The following AGAP6 variants were observed in gnomAD, a reference collection of about 807,000 sequenced individuals.
AGAP6 encodes the protein arf-GAP with GTPase, ANK repeat and PH domain-containing protein 6.
AGAP6 carries 29 observed loss-of-function variants against 63.9 expected under a neutral mutation model. The ratio of observed to expected loss-of-function variants is 0.45; its 90% confidence interval spans 0.34 to 0.62. The LOEUF (loss-of-function observed/expected upper bound fraction) is 0.62. AGAP6 is among the 20% of genes least tolerant of loss of function. The pLI is 0.01. For synonymous variants in AGAP6, 199 were observed against 332.9 expected (o/e 0.60, Z 4.38); for missense variants, 493 against 884.9 (o/e 0.56, Z 5.62).
rs1380896257 is a variant in AGAP6, at chr10:50,003,962, C to A, written c.498-723C>A. ...AATATTACAGGCTTTTTAAAAAGTG[C>A]TAATATTGTGTAGACCTATTAGTAG... On this transcript the variant is annotated intron_variant, in intron 5 of 7. Coordinates refer to ENST00000412531, the MANE Select transcript of AGAP6 (RefSeq NM_001077665.3). 8.5e-5 allele frequency among the ~76,000 whole-genome samples: 13 copies of A among 152,266 alleles called. 1 individual carries two copies. The highest frequency in any genetic ancestry group is 3.9e-4 in the Admixed American group (6 of 15,296).
Position 49,988,733 on chromosome 10 carries a change from C to T in AGAP6, c.18C>T (p.Thr6=), listed in dbSNP as rs1589078890. Residue 6 remains threonine, a synonymous_variant, in exon 1 of 8, where the codon ACC becomes ACT. Transcript: ENST00000412531. ...GGCGCCCCATGGGGAACATACTGAC[C>T]TGTCGTGTGCACCCTAGCGTCAGCC... MGNIL[T]CRVHPSVSLE... 3 of 1,591,074 alleles carry T rather than the reference C, an allele frequency of 1.9e-6. No homozygotes were observed. Among genetic ancestry groups the T allele is most frequent in the South Asian group, 2.2e-5 (2 of 90,426 alleles).
rs1841733422 is a variant in AGAP6 at position 50,002,047 on chromosome 10, C to G, written c.448C>G (p.Leu150Val). The G allele has an allele frequency of 6.2e-7, 1 of 1,612,304 alleles. No homozygotes were observed. The highest frequency in any genetic ancestry group is 2.2e-5 in the East Asian group (1 of 44,862). The change falls in exon 5 of 8, where the codon CTT (leucine) becomes GTT (valine). Residue 150 changes from leucine (L) to valine (V), a missense_variant. Around this residue, in one of 7 missense-constraint regions of AGAP6, gnomAD observed 342 missense variants for 533.4 expected, o/e 0.64. Coordinates refer to ENST00000412531, the MANE Select transcript of AGAP6 (RefSeq NM_001077665.3). ...QQYSLCSTIF[L>V]DDSTAIQHYL... ...ATACAGCTTGTGTTCGACAATATTC[C>G]TTGATGACAGCACAGCCATCCAGCA...
chr10:49,989,251 T>A (rs1159385177), intron 1 of AGAP6, 57 bp from the exon 2 acceptor site: 2 of 1,594,554 alleles, frequency 1.3e-6, no homozygotes, highest in Non-Finnish European at 1.7e-6. Context: ...AATAAATAAG[T>A]TGATAAATTT....
At chr10:50,001,421 CTTTT>C (rs1158013781) in intron 4 of AGAP6, among the ~76,000 whole-genome samples, 2 of 86,286 alleles carry the variant, frequency 2.3e-5, no homozygotes, top group Admixed American at 1.5e-4. Flanking sequence ...TTAAACTTTT[CTTTT>C]TTTTTTTTTT....
chr10:50,004,838 A>C, intron 6 of AGAP6, 118 bp downstream of exon 6: 1 of 739,492 alleles, frequency 1.4e-6, no homozygotes, highest in South Asian at 1.8e-5. Flanking sequence ...TAAAATATCG[A>C]AGCAAATTAT....
intron 4 of AGAP6, among the ~76,000 whole-genome samples, chr10:49,994,649 T>C (rs1841412088): frequency 6.6e-6 from 1 of 152,164 alleles, no homozygotes; most frequent in Non-Finnish European, 1.5e-5. Flanking sequence ...TAAGTTAAAT[T>C]TCAATAGTCT....
intron 4 of AGAP6, among the ~76,000 whole-genome samples, chr10:49,996,931 A>G (rs868992744): frequency 2.0e-5 from 3 of 147,210 alleles, no homozygotes; most frequent in South Asian, 2.2e-4. Flanking sequence ...GCATTTATTA[A>G]AAATTATCTC....
Position 49,993,293 on chromosome 10 carries a change from G to C in AGAP6, c.362-1102G>C, listed in dbSNP as rs574532154. On this transcript the variant is annotated intron_variant, in intron 3 of 7. Transcript: ENST00000412531. Reference sequence around the variant, plus strand: ...GAGGCATGGGCTTCTCACACCTAGAGAGCATGGAAGCAGTAAAAGAAAAGC... The same window carrying C: ...GAGGCATGGGCTTCTCACACCTAGACAGCATGGAAGCAGTAAAAGAAAAGC... 1.3e-3 allele frequency among the ~76,000 whole-genome samples: 192 copies of C among 151,988 alleles called. 2 individuals carry two copies. Among genetic ancestry groups the C allele is most frequent in the Non-Finnish European group, 2.0e-3 (133 of 68,004 alleles).
intron 6 of AGAP6, among the ~76,000 whole-genome samples, chr10:50,006,774 A>T (rs1178871276): frequency 1.3e-5 from 2 of 151,992 alleles, no homozygotes; most frequent in South Asian, 2.1e-4. Flanking sequence ...CAAAAAAAAA[A>T]GCGCTTCTGG....
chr10:49,998,953 C>T (rs1323818369), intron 4 of AGAP6, among the ~76,000 whole-genome samples: 1 of 141,640 alleles, frequency 7.1e-6, no homozygotes, highest in Non-Finnish European at 1.5e-5. Flanking sequence ...GTGGCTCACA[C>T]CTGTAATCCC....
chr10:49,995,888 T>C (rs1841465796), intron 4 of AGAP6, among the ~76,000 whole-genome samples: 1 of 152,228 alleles, frequency 6.6e-6, no homozygotes, highest in Non-Finnish European at 1.5e-5. Flanking sequence ...TGCCAGTGTG[T>C]GATACGTTAT....
intron 6 of AGAP6, among the ~76,000 whole-genome samples, chr10:50,005,832 A>C (rs1369102213): frequency 1.3e-5 from 2 of 149,530 alleles, no homozygotes; most frequent in East Asian, 3.9e-4. Flanking sequence ...AGGCAGGAGA[A>C]TCGCTTGAGC....
Position 50,009,466 on chromosome 10 carries a change from G to A in AGAP6, c.1341G>A (p.Gln447=), listed in dbSNP as rs1842030473. The A allele has an allele frequency of 6.2e-7, 1 of 1,612,270 alleles. No individual in the cohort carries two copies. Among genetic ancestry groups the A allele is most frequent in the Non-Finnish European group, 8.5e-7 (1 of 1,179,978 alleles). ...AIQSQILASL[Q]SCESSKSKSQ... is the part of the protein sequence containing the mutation. ...AGAGCCAGATCCTGGCCAGCCTGCA[G>A]TCATGCGAGAGCAGTAAAAGCAAGT... The change falls in exon 8 of 8, where the codon CAG becomes CAA. Residue 447 remains glutamine (Q), a synonymous_variant. Transcript: ENST00000412531.
chr10:49,991,869 C>T (rs557849225), intron 3 of AGAP6, 125 bp downstream of exon 3: 3 of 1,447,906 alleles, frequency 2.1e-6, no homozygotes, highest in African/African-American at 2.9e-5. Context: ...GTTCACTTGT[C>T]TTATTTTAAT....
intron 6 of AGAP6, among the ~76,000 whole-genome samples, chr10:50,007,459 G>A (rs1172927201): frequency 6.9e-5 from 8 of 115,302 alleles, no homozygotes; most frequent in African/African-American, 1.2e-4. Context: ...AGGGGTCTTC[G>A]GGATCCCGAG....
intron 3 of AGAP6, 149 bp from the exon 4 acceptor site, chr10:49,994,246 A>C (rs1378085131): frequency 1.1e-6 from 1 of 947,332 alleles, no homozygotes. Context: ...TAATCATGCC[A>C]GATAATTTAA....
chr10:49,989,219 C>G (rs1342369004), intron 1 of AGAP6, 89 bp from the exon 2 acceptor site: 1 of 1,564,922 alleles, frequency 6.4e-7, no homozygotes, highest in South Asian at 1.1e-5. Flanking sequence ...ATTTATGGCT[C>G]TTGTCGAATA....
Position 50,008,711 on chromosome 10 carries a change from G to T in AGAP6, c.586G>T (p.Val196Phe). Residue 196 changes from valine to phenylalanine, a missense_variant and splice_region_variant, in exon 8 of 8, where the codon GTT (valine) becomes TTT (phenylalanine). Physicochemically the swap from Val to Phe is conservative, Grantham distance 50 (BLOSUM62 -1). Around this residue, in one of 7 missense-constraint regions of AGAP6, gnomAD observed 342 missense variants for 533.4 expected, o/e 0.64. Transcript: ENST00000412531. ...CCATTCCTCCTCCTGTTCCACACAG[G>T]TTTCCACCGTGCACATTATGAAGAA... Reference protein sequence around the residue: ...IPDEQLHSFAVSTVHIMKKRN... With the variant: ...IPDEQLHSFAFSTVHIMKKRN... 1.2e-6 allele frequency: 2 copies of T among 1,614,060 alleles called. No homozygotes were observed. Among genetic ancestry groups the T allele is most frequent in the Non-Finnish European group, 8.5e-7 (1 of 1,180,020 alleles).
chr10:49,990,502 G>T (rs1589081573), intron 2 of AGAP6, among the ~76,000 whole-genome samples: 1 of 152,338 alleles, frequency 6.6e-6, no homozygotes, highest in South Asian at 2.1e-4. Context: ...GTTGGCAGAG[G>T]CAGGGGATGG....
Sources: gnomAD v4.1 joint callset for allele counts (sites outside exome capture counted in the v4.1 genomes callset) on GRCh38, gnomAD v4.1.1 for gene constraint, gnomAD v4.1.1 regional missense constraint, MANE v1.5 for transcripts, NCBI Gene and HGNC (gene_info 2026-07-23, HGNC 2026-07-21) for gene names.